The following VPS54 variants were observed in gnomAD, a reference collection of about 807,000 sequenced individuals.
The protein encoded by VPS54 is vacuolar protein sorting-associated protein 54.
VPS54 carries 45 observed loss-of-function variants against 121.5 expected under a neutral mutation model. That is an observed-to-expected ratio of 0.37 (90% CI 0.29 to 0.47). The LOEUF (loss-of-function observed/expected upper bound fraction) is 0.47. Ranked by LOEUF, VPS54 falls within the 20% of genes least tolerant of loss-of-function variation. The pLI, the probability that VPS54 is intolerant of heterozygous loss-of-function variation, is 0.99. For synonymous variants in VPS54, 371 were observed against 385.8 expected (o/e 0.96, Z 0.45); for missense variants, 1,090 against 1,131.4 (o/e 0.96, Z 0.52).
chr2:63,962,112 A>G lies in VPS54; in HGVS notation c.956T>C (p.Ile319Thr), dbSNP rs1466884035. Residue 319 changes from isoleucine (I) to threonine (T), a missense_variant, in exon 7 of 23, where the codon ATA becomes ACA. Transcript: ENST00000272322. Reference protein sequence around the residue: ...TSEFVGALDLIATTQEVLQQE... With the variant: ...TSEFVGALDLTATTQEVLQQE... ...CTGTAGAACCTCTTGTGTTGTTGCT[A>G]TTAAGTCCAATGCTCCAACAAATTC... 5 of 1,604,052 alleles carry G rather than the reference A, an allele frequency of 3.1e-6. No individual in the cohort carries two copies. The East Asian group carries it at 1.1e-4, about 36-fold the overall frequency.
chr2:63,909,069 A>T (rs1439025993), intron 20 of VPS54, among the ~76,000 whole-genome samples: 1 of 152,188 alleles, frequency 6.6e-6, no homozygotes, highest in Non-Finnish European at 1.5e-5. Flanking sequence ...TGCCTCATTC[A>T]TAAAACTTTC....
chr2:64,001,420 C>A (rs1491001738), intron 1 of VPS54, among the ~76,000 whole-genome samples: 1 of 152,160 alleles, frequency 6.6e-6, no homozygotes, highest in Admixed American at 6.5e-5. Flanking sequence ...ATTTTTCCAT[C>A]TGCTTTTCTC....
intron 12 of VPS54, among the ~76,000 whole-genome samples, chr2:63,921,672 G>C (rs983662127): frequency 6.6e-6 from 1 of 152,024 alleles, no homozygotes; most frequent in Non-Finnish European, 1.5e-5. Context: ...GGACTACAGA[G>C]TCTTGCTACA....
chr2:64,015,014 T>C (rs951674794), intron 1 of VPS54, among the ~76,000 whole-genome samples: 8 of 152,010 alleles, frequency 5.3e-5, no homozygotes, highest in African/African-American at 1.9e-4. Context: ...ACAACATACA[T>C]ACATACATAC....
chr2:63,972,746 C>G (rs1341168491), intron 3 of VPS54, among the ~76,000 whole-genome samples: 1 of 151,894 alleles, frequency 6.6e-6, no homozygotes, highest in Non-Finnish European at 1.5e-5. Flanking sequence ...GGAGTAGTGG[C>G]GCACACCTGA....
rs781780886 is a variant in VPS54, at chr2:63,972,273, T to C, written c.379-29A>G. On this transcript the variant is annotated intron_variant, in intron 3 of 22. Transcript: ENST00000272322. ...ATAAAAAGACAAATAACATCATCAA[T>C]GTATGTGTAAACATGAGTATTCAAA... The C allele has an allele frequency of 3.9e-5, 59 of 1,506,104 alleles. 1 individual carries two copies. Among genetic ancestry groups the C allele is most frequent in the African/African-American group, 8.2e-5 (6 of 72,988 alleles). The allele number at this position is 1,506,104 out of a possible 1,614,324, so 93.3% of individuals were successfully genotyped here.
At chr2:63,967,784 G>A (rs189379855) in intron 5 of VPS54, among the ~76,000 whole-genome samples, 1 of 149,868 alleles carries the variant, frequency 6.7e-6, no homozygotes, top group African/African-American at 2.5e-5. Context: ...GCAGAGGGAT[G>A]AGGGAAGAGT....
At chr2:63,969,473 A>T (rs899488796) in intron 4 of VPS54, among the ~76,000 whole-genome samples, 5 of 152,146 alleles carry the variant, frequency 3.3e-5, no homozygotes, top group African/African-American at 2.4e-5. Context: ...TGAACTGCAC[A>T]TGTCAGAGAT....
At chr2:64,016,433 G>C (rs1260118477) in intron 1 of VPS54, among the ~76,000 whole-genome samples, 2 of 152,114 alleles carry the variant, frequency 1.3e-5, no homozygotes, top group African/African-American at 4.8e-5. Flanking sequence ...GCCCACATTA[G>C]GCCAATATTG....
At chr2:63,895,507 C>T (rs1558973701) in intron 22 of VPS54, among the ~76,000 whole-genome samples, 4 of 152,046 alleles carry the variant, frequency 2.6e-5, no homozygotes, top group Non-Finnish European at 4.4e-5. Context: ...AAGCAGCTGC[C>T]TAATGGGTAC....
intron 20 of VPS54, among the ~76,000 whole-genome samples, chr2:63,900,076 G>A (rs1672610315): frequency 6.6e-6 from 1 of 152,012 alleles, no homozygotes; most frequent in African/African-American, 2.4e-5. Flanking sequence ...AAAATTAGCT[G>A]GGGCATGGTG....
At chr2:63,963,177 C>A (rs967517163) in intron 6 of VPS54, among the ~76,000 whole-genome samples, 1 of 151,794 alleles carries the variant, frequency 6.6e-6, no homozygotes, top group African/African-American at 2.4e-5. Context: ...AAAAGTGATT[C>A]TTTTATCAAT....
In VPS54 at chr2:63,912,380, T is replaced by A. The variant is rs761029568; in HGVS notation, c.2590A>T (p.Ile864Leu). 1 of 1,611,800 alleles carries A rather than the reference T, an allele frequency of 6.2e-7. No individual in the cohort carries two copies. The highest frequency in any genetic ancestry group is 8.5e-7 in the Non-Finnish European group (1 of 1,178,720). Residue 864 changes from isoleucine to leucine, a missense_variant, in exon 20 of 23, where the codon ATA (isoleucine) becomes TTA (leucine). Around this residue, in one of 2 missense-constraint regions of VPS54, gnomAD observed 289 missense variants for 374.4 expected, o/e 0.77. Coordinates refer to ENST00000272322, the MANE Select transcript of VPS54 (RefSeq NM_016516.3). ...IAEISAKLVA[I>L]MDSLFDKLLS... ...AGCTTGTCAAATAAGCTATCCATTA[T>A]CGCTACAAGCTTAGCTGATATTTCA...
At chr2:64,015,052 T>C (rs756755505) in intron 1 of VPS54, among the ~76,000 whole-genome samples, 61 of 152,020 alleles carry the variant, frequency 4.0e-4, no homozygotes, top group Non-Finnish European at 7.6e-4. Flanking sequence ...CATACATATA[T>C]AACATAAGTG....
intron 3 of VPS54, 104 bp downstream of exon 3, chr2:63,981,518 AATTTGTATGAACGAAAAGAATACT>A: frequency 9.4e-7 from 1 of 1,061,990 alleles, no homozygotes; most frequent in Non-Finnish European, 1.3e-6. Context: ...AGGACAGTAC[AATTTGTATGAACGAAAAGAATACT>A]ATAGGTTCAT....
intron 11 of VPS54, 67 bp downstream of exon 11, chr2:63,942,398 A>T (rs1404438022): frequency 9.2e-7 from 1 of 1,086,970 alleles, no homozygotes; most frequent in Non-Finnish European, 1.3e-6. Context: ...CTTTATTTAC[A>T]TATTATGTAT....
intron 1 of VPS54, among the ~76,000 whole-genome samples, chr2:64,015,004 AC>A (rs1176631665): frequency 6.6e-6 from 1 of 152,178 alleles, no homozygotes; most frequent in Non-Finnish European, 1.5e-5. Context: ...CTGGACATTC[AC>A]AACATACATA....
At chr2:63,972,715 G>A (rs1304361984) in intron 3 of VPS54, among the ~76,000 whole-genome samples, 3 of 151,670 alleles carry the variant, frequency 2.0e-5, no homozygotes, top group East Asian at 1.9e-4. Context: ...GTGAAACCTC[G>A]TCTCTACCAA....
chr2:64,005,496 A>G (rs1455556971), intron 1 of VPS54, among the ~76,000 whole-genome samples: 6 of 152,198 alleles, frequency 3.9e-5, no homozygotes, highest in Admixed American at 3.3e-4. Context: ...ATTGAATGTG[A>G]TATGAGAATA....
Sources: gnomAD v4.1 joint callset for allele counts (sites outside exome capture counted in the v4.1 genomes callset) on GRCh38, gnomAD v4.1.1 for gene constraint, gnomAD v4.1.1 regional missense constraint, MANE v1.5 for transcripts, NCBI Gene and HGNC (gene_info 2026-07-23, HGNC 2026-07-21) for gene names.